WFS1: variants seen among roughly 807,000 people sequenced by gnomAD.
WFS1 encodes the protein wolframin.
WFS1 carries 90 observed loss-of-function variants against 68.5 expected under a neutral mutation model. The observed-to-expected ratio is 1.31, with a 90% confidence interval of 1.11 to 1.56. The LOEUF (loss-of-function observed/expected upper bound fraction) is 1.56, where lower values mean the gene tolerates loss of function less well. WFS1 is among the 40% of genes most tolerant of loss of function. The pLI, the probability that WFS1 is intolerant of heterozygous loss-of-function variation, is 0.00. For missense variants in WFS1, 1,767 were observed against 1,232.6 expected, an observed-to-expected ratio of 1.43 and a Z score of -6.49; for synonymous variants, 860 against 540.7, an observed-to-expected ratio of 1.59 and a Z score of -8.19.
rs557408719 is a variant in WFS1 at position 6,275,149 on chromosome 4, G to A, written c.-5-2302G>A. 4.6e-5 allele frequency among the ~76,000 whole-genome samples: 7 copies of A among 152,344 alleles called. No individual in the cohort carries two copies. The South Asian group carries it at 6.2e-4, about 14-fold the overall frequency. ...AAAGACAAGTACAGAGAACAGAGCCGTTGGTCTTGATGGCAGAGATGCCCT... is the reference window on the plus strand; with the variant it reads ...AAAGACAAGTACAGAGAACAGAGCCATTGGTCTTGATGGCAGAGATGCCCT... On this transcript the variant is annotated intron_variant, in intron 1 of 7. Coordinates refer to ENST00000226760, the MANE Select transcript of WFS1 (RefSeq NM_006005.3).
rs142269405 is a variant in WFS1 at position 6,301,255 on chromosome 4, C to T, written c.1460C>T (p.Thr487Ile). The T allele has an allele frequency of 1.7e-5, 28 of 1,611,324 alleles. No homozygotes were observed. Among genetic ancestry groups the T allele is most frequent in the Non-Finnish European group, 2.5e-6 (3 of 1,180,034 alleles). ...CCCTACCTGAAGGTCCTTGGCCAGACCTTCATCACCGTGCCTGTCGGCCAC... is the reference window on the plus strand; with the variant it reads ...CCCTACCTGAAGGTCCTTGGCCAGATCTTCATCACCGTGCCTGTCGGCCAC... ...NWPYLKVLGQ[T>I]FITVPVGHLV... is the part of the protein sequence containing the mutation. The change falls in exon 8 of 8, where the codon ACC becomes ATC. Residue 487 changes from threonine to isoleucine, a missense_variant. Coordinates refer to ENST00000226760, the MANE Select transcript of WFS1 (RefSeq NM_006005.3).
chr4:6,301,126 ACCTGAG>A lies in WFS1; in HGVS notation c.1339_1344del (p.Leu447_Ser448del), dbSNP rs758805788. On this transcript the variant is annotated inframe_deletion, in exon 8 of 8. Transcript: ENST00000226760. ...ACCGGCTTCTTTACCGTGACCAGCT[ACCTGAG>A]CCTGAGCACCCATGCAGAGCCCTAC... 6 of 1,613,204 alleles carry A rather than the reference ACCTGAG, an allele frequency of 3.7e-6. No individual in the cohort carries two copies. The African/African-American group carries it at 6.7e-5, about 18-fold the overall frequency.
chr4:6,300,368 G>C (rs1730834098), intron 7 of WFS1, among the ~76,000 whole-genome samples: 1 of 152,158 alleles, frequency 6.6e-6, no homozygotes, highest in Non-Finnish European at 1.5e-5. Flanking sequence ...AGGTCTTGCA[G>C]GGAGAGAAGC....
rs370977482 is a variant in WFS1 at position 6,302,414 on chromosome 4, C to T, written c.2619C>T (p.Gly873=). The stretch of plus-strand genomic sequence containing the variant: ...ACGACTGGCGCAGCACCGTGCATGG[C>T]GCCGTGAAGTTCGCCTTCGACTTCT... ...IEHDWRSTVH[G]AVKFAFDFFF... Residue 873 remains glycine, a synonymous_variant, in exon 8 of 8, where the codon GGC becomes GGT. Transcript: ENST00000226760. The T allele has an allele frequency of 2.9e-5, 46 of 1,613,108 alleles. No homozygotes were observed. Among genetic ancestry groups the T allele is most frequent in the African/African-American group, 9.3e-5 (7 of 74,952 alleles).
chr4:6,277,609 C>A lies in WFS1; in HGVS notation c.154C>A (p.Pro52Thr), dbSNP rs111773340. Reference sequence around the variant, plus strand: ...ACCCGGACCCCAGGCTGGCCCTGGCCCTGGTGTTAGAGACGCAGCGGCCCC... The same window carrying A: ...ACCCGGACCCCAGGCTGGCCCTGGCACTGGTGTTAGAGACGCAGCGGCCCC... ...RAPGPQAGPG[P>T]GVRDAAAPAE... The change falls in exon 2 of 8, where the codon CCT becomes ACT. Residue 52 changes from proline to threonine, a missense_variant. Coordinates refer to ENST00000226760, the MANE Select transcript of WFS1 (RefSeq NM_006005.3). The A allele has an allele frequency of 8.9e-5, 140 of 1,575,886 alleles. No individual in the cohort carries two copies. In the African/African-American group the frequency reaches 1.3e-3, roughly 15 times the overall value.
rs1311439017 is a variant in WFS1, at chr4:6,302,579, C to T, written c.*111C>T. On this transcript the variant is annotated 3_prime_UTR_variant, in exon 8 of 8. Coordinates refer to ENST00000226760, the MANE Select transcript of WFS1 (RefSeq NM_006005.3). ...TGCCGCCTGTGCCCACGTGTGCAGA[C>T]TGTGGCTGCAGAGACCTTGCGACCA... is the stretch of plus-strand genomic sequence containing the variant. 2 of 1,504,878 alleles carry T rather than the reference C, an allele frequency of 1.3e-6. No homozygotes were observed. The highest frequency in any genetic ancestry group is 1.8e-6 in the Non-Finnish European group (2 of 1,112,720). 93.2% of individuals were successfully genotyped at this position (1,504,878 alleles called of 1,614,324 possible). A position where few individuals can be genotyped will look rare whatever the true frequency, so the allele number is the denominator to read the frequency against.
chr4:6,287,682 A>G lies in WFS1; in HGVS notation c.315+507A>G, dbSNP rs1262845578. Among the ~76,000 whole-genome samples the G allele has an allele frequency of 6.6e-6, 1 of 152,152 alleles. No homozygotes were observed. Among genetic ancestry groups the G allele is most frequent in the Non-Finnish European group, 1.5e-5 (1 of 68,036 alleles). ...CAGGTTAGTGGAAGAAGCAGACCCA[A>G]AAAACCCAAGTAGACAAGACACAGA... On this transcript the variant is annotated intron_variant, in intron 3 of 7. Transcript: ENST00000226760. This position sits in a 1 kb window ranked among gnomAD's most constrained non-coding sequence, Gnocchi z 6.4.
At chr4:6,276,278 G>A (rs999466215) in intron 1 of WFS1, among the ~76,000 whole-genome samples, 4 of 152,282 alleles carry the variant, frequency 2.6e-5, no homozygotes, top group Non-Finnish European at 4.4e-5. Context: ...ATCCTGCAGC[G>A]CTTTCAGCTC....
At chr4:6,294,275 A>G (rs955993755) in intron 6 of WFS1, among the ~76,000 whole-genome samples, 13 of 151,664 alleles carry the variant, frequency 8.6e-5, no homozygotes, top group Admixed American at 5.9e-4. Flanking sequence ...ATTCCCTCCT[A>G]GGGGATCATG....
In WFS1 at chr4:6,270,357, T is replaced by TC. The variant is rs1189973402; in HGVS notation, c.-6+350dup. Among the ~76,000 whole-genome samples the TC allele has an allele frequency of 3.6e-4, 52 of 142,514 alleles. 1 individual carries two copies. Among genetic ancestry groups the TC allele is most frequent in the South Asian group, 2.5e-4 (1 of 3,938 alleles). 93.5% of individuals were successfully genotyped at this position (142,514 alleles called of 152,430 possible). A position where few individuals can be genotyped will look rare whatever the true frequency, so the allele number is the denominator to read the frequency against. On this transcript the variant is annotated intron_variant, in intron 1 of 7. Coordinates refer to ENST00000226760, the MANE Select transcript of WFS1 (RefSeq NM_006005.3). Reference sequence around the variant, plus strand: ...GGCCCCCTCCCCGCGCCCCGCGCCATCCCCCCCGAGTTGCCCCGTCATGCC... The same window carrying TC: ...GGCCCCCTCCCCGCGCCCCGCGCCATCCCCCCCCGAGTTGCCCCGTCATGCC...
At chr4:6,300,601 T>G in intron 7 of WFS1, 56 bp from the exon 8 acceptor site, 19 of 1,611,518 alleles carry the variant, frequency 1.2e-5, no homozygotes, top group Non-Finnish European at 1.5e-5. Context: ...AGGCGTGAGA[T>G]GGGAGCAGTG....
In WFS1 at chr4:6,302,394, T is replaced by G; in HGVS notation, c.2599T>G (p.Trp867Gly). ...TRRHVKIEHDWRSTVHGAVKF... is the reference protein window; with the variant it reads ...TRRHVKIEHDGRSTVHGAVKF... ...GCGGCACGTGAAGATCGAGCACGAC[T>G]GGCGCAGCACCGTGCATGGCGCCGT... is the stretch of plus-strand genomic sequence containing the variant. The change falls in exon 8 of 8, where the codon TGG becomes GGG. Residue 867 changes from tryptophan to glycine, a missense_variant. Coordinates refer to ENST00000226760, the MANE Select transcript of WFS1 (RefSeq NM_006005.3). The G allele has an allele frequency of 6.2e-7, 1 of 1,613,136 alleles. No homozygotes were observed. Among genetic ancestry groups the G allele is most frequent in the East Asian group, 2.2e-5 (1 of 44,882 alleles).
In WFS1 at chr4:6,283,044, G is replaced by A. The variant is rs1051157617; in HGVS notation, c.233-4049G>A. 6.6e-6 allele frequency among the ~76,000 whole-genome samples: 1 copy of A among 152,188 alleles called. No homozygotes were observed. Among genetic ancestry groups the A allele is most frequent in the Non-Finnish European group, 1.5e-5 (1 of 68,020 alleles). On this transcript the variant is annotated intron_variant, in intron 2 of 7. Coordinates refer to ENST00000226760, the MANE Select transcript of WFS1 (RefSeq NM_006005.3). The surrounding 1 kb of genome is among the most constrained non-coding windows in gnomAD (Gnocchi z 5.0). ...AAGGCTGGCGGAGCCTGTGATAGAC[G>A]ATGGACGATGACCCAGGTTCCAGCA...
intron 3 of WFS1, among the ~76,000 whole-genome samples, chr4:6,288,284 A>C (rs532506645): frequency 6.6e-6 from 1 of 151,812 alleles, no homozygotes; most frequent in African/African-American, 2.4e-5. Context: ...TTCCTCCCAC[A>C]TCCTTTTGCC....
At chr4:6,272,788 C>T (rs1729876279) in intron 1 of WFS1, among the ~76,000 whole-genome samples, 1 of 152,192 alleles carries the variant, frequency 6.6e-6, no homozygotes, top group East Asian at 1.9e-4. Context: ...TGTTTTCATC[C>T]TAAACAGACT....
In WFS1 at chr4:6,277,447, C is replaced by A; in HGVS notation, c.-5-4C>A. 1 of 1,551,616 alleles carries A rather than the reference C, an allele frequency of 6.4e-7. No homozygotes were observed. Among genetic ancestry groups the A allele is most frequent in the Non-Finnish European group, 8.7e-7 (1 of 1,147,546 alleles). The stretch of plus-strand genomic sequence containing the variant: ...GATGTGCCTGACCTTGACTTTTCTT[C>A]CAGGCAGGATGGACTCCAACACTGC... On this transcript the variant is annotated splice_region_variant and splice_polypyrimidine_tract_variant and intron_variant, in intron 1 of 7. Coordinates refer to ENST00000226760, the MANE Select transcript of WFS1 (RefSeq NM_006005.3).
Position 6,302,474 on chromosome 4 carries a change from GT to G in WFS1, c.*7del, listed in dbSNP as rs756186105. 13 of 1,612,278 alleles carry G rather than the reference GT, an allele frequency of 8.1e-6. No homozygotes were observed. Among genetic ancestry groups the G allele is most frequent in the Middle Eastern group, 1.6e-4 (1 of 6,082 alleles). ...CATTCCTGTCGGCGGCCTGAGGATGGTCCGCCACGAGGAGCTTCCAGTGCAT... is the reference window on the plus strand; with the variant it reads ...CATTCCTGTCGGCGGCCTGAGGATGGCCGCCACGAGGAGCTTCCAGTGCAT... On this transcript the variant is annotated 3_prime_UTR_variant, in exon 8 of 8. Transcript: ENST00000226760.
chr4:6,289,803 C>T (rs1578595713), intron 4 of WFS1, among the ~76,000 whole-genome samples: 1 of 152,006 alleles, frequency 6.6e-6, no homozygotes, highest in Non-Finnish European at 1.5e-5. Flanking sequence ...CTAATGATAC[C>T]TTTTTTTTCA....
intron 2 of WFS1, among the ~76,000 whole-genome samples, chr4:6,285,044 C>G (rs1210801564): frequency 6.6e-6 from 1 of 151,592 alleles, no homozygotes; most frequent in Non-Finnish European, 1.5e-5. Context: ...TCTGGGGGCT[C>G]TGGGGAGGGT....
Sources: allele counts gnomAD v4.1 joint callset (sites outside exome capture counted in the v4.1 genomes callset), GRCh38; gene constraint gnomAD v4.1.1; non-coding constraint Gnocchi (gnomAD v3.1); transcripts MANE v1.5; gene names NCBI Gene and HGNC (gene_info 2026-07-23, HGNC 2026-07-21).